ARHGEF3: variants seen among roughly 807,000 people sequenced by gnomAD.
The protein encoded by ARHGEF3 is Rho guanine nucleotide exchange factor 3, also known as 59.8 kDA protein.
In ARHGEF3, 28 loss-of-function variants were observed where a neutral mutation model predicts 63.2. The ratio of observed to expected loss-of-function variants is 0.44; its 90% confidence interval spans 0.33 to 0.61. ARHGEF3 has a LOEUF of 0.61. Among genes scored for constraint, ARHGEF3 ranks in the 20% least tolerant of loss-of-function variants. The probability of loss-of-function intolerance (pLI) is 0.03; values close to 1 mark genes in which losing one functional copy is unlikely to be tolerated. For synonymous variants in ARHGEF3, 266 were observed against 254.2 expected (o/e 1.05, Z -0.44); for missense variants, 533 against 659.3 (o/e 0.81, Z 2.10).
At chr3:56,814,304 A>G (rs1295964885) in intron 4 of ARHGEF3, among the ~76,000 whole-genome samples, 1 of 151,828 alleles carries the variant, frequency 6.6e-6, no homozygotes, top group Non-Finnish European at 1.5e-5. Context: ...TTTTTTTGCG[A>G]TTTTTTTTAA....
rs2034982513 is a variant in ARHGEF3 at position 56,755,031 on chromosome 3, C to T, written c.325G>A (p.Asp109Asn). 2 of 1,614,162 alleles carry T rather than the reference C, an allele frequency of 1.2e-6. No individual in the cohort carries two copies. The highest frequency in any genetic ancestry group is 1.6e-4 in the Middle Eastern group (1 of 6,062). ...RDSKLWSETF[D>N]VCVNQMLTSK... is the part of the protein sequence containing the mutation. ...GTAAGCATCTGATTGACGCACACAT[C>T]GAAGGTCTCACTCCACAGCTTGCTA... The change falls in exon 3 of 10, where the codon GAT becomes AAT. Residue 109 changes from aspartate (D) to asparagine (N), a missense_variant. By Grantham distance (23) the Asp-to-Asn change is conservative. This residue lies in a region of ARHGEF3 where 160 missense variants were observed against 157.3 expected (regional missense o/e 1.02). Coordinates refer to ENST00000296315, the MANE Select transcript of ARHGEF3 (RefSeq NM_019555.3).
chr3:56,934,351 C>T (rs2042492462), intron 3 of ARHGEF3, among the ~76,000 whole-genome samples: 2 of 152,254 alleles, frequency 1.3e-5, no homozygotes, highest in Non-Finnish European at 1.5e-5. Flanking sequence ...TCTGCCTGGG[C>T]TCCCACTTTG....
chr3:56,869,815 A>G (rs1044074055), intron 4 of ARHGEF3, among the ~76,000 whole-genome samples: 1 of 152,220 alleles, frequency 6.6e-6, no homozygotes, highest in African/African-American at 2.4e-5. Context: ...AGCCTGGAAA[A>G]AAAATCAGAA....
intron 1 of ARHGEF3, among the ~76,000 whole-genome samples, chr3:57,067,276 C>G (rs955832788): frequency 4.6e-5 from 7 of 151,530 alleles, no homozygotes; most frequent in Middle Eastern, 6.8e-3. Context: ...ACGGTGAAAC[C>G]CTGTCTCTTC....
intron 1 of ARHGEF3, among the ~76,000 whole-genome samples, chr3:57,044,183 C>G (rs973621159): frequency 6.6e-6 from 1 of 152,272 alleles, no homozygotes; most frequent in African/African-American, 2.4e-5. Context: ...AAATGCAATA[C>G]TTGTTGAACA....
intron 4 of ARHGEF3, among the ~76,000 whole-genome samples, chr3:56,815,399 T>C (rs1423320443): frequency 6.6e-6 from 1 of 152,222 alleles, no homozygotes; most frequent in Non-Finnish European, 1.5e-5. Context: ...TCATATCTTA[T>C]GTACTGATGA....
chr3:56,862,941 C>T (rs1032520470), intron 4 of ARHGEF3, among the ~76,000 whole-genome samples: 1 of 152,174 alleles, frequency 6.6e-6, no homozygotes, highest in South Asian at 2.1e-4. Context: ...TAGTGACTCA[C>T]ATCTGGTGTG....
In ARHGEF3 at chr3:56,732,296, C is replaced by T. The variant is rs141804924; in HGVS notation, c.1170G>A (p.Gln390=). 2.4e-5 allele frequency: 38 copies of T among 1,614,100 alleles called. No individual in the cohort carries two copies. The African/African-American group carries it at 4.1e-4, about 18-fold the overall frequency. The change falls in exon 9 of 10, where the codon CAG becomes CAA. Residue 390 remains glutamine, a synonymous_variant. Transcript: ENST00000296315. ...PVKDLLLEDL[Q]DGEVRLGGSL... ...AGCCACCCAGCCTCACTTCTCCATC[C>T]TGGAGGTCTTCCAGCAGGAGGTCTT...
chr3:56,774,418 A>C (rs1266165149), intron 1 of ARHGEF3, among the ~76,000 whole-genome samples: 5 of 152,248 alleles, frequency 3.3e-5, no homozygotes, highest in African/African-American at 1.2e-4. Context: ...ACCAGACGGC[A>C]AAAGAAAATG....
At chr3:56,763,983 T>C (rs1156303599) in intron 2 of ARHGEF3, among the ~76,000 whole-genome samples, 1 of 152,116 alleles carries the variant, frequency 6.6e-6, no homozygotes, top group Non-Finnish European at 1.5e-5. Flanking sequence ...TGAAAGACAA[T>C]GAACACTGAG....
chr3:56,834,094 G>A (rs144074817), intron 4 of ARHGEF3, among the ~76,000 whole-genome samples: 2 of 152,016 alleles, frequency 1.3e-5, no homozygotes, highest in African/African-American at 4.8e-5. Flanking sequence ...TAGTAGAGAC[G>A]GGGTTTCACC....
rs183906142 is a variant in ARHGEF3 at position 56,846,440 on chromosome 3, G to A, written c.192+35852C>T. Among the ~76,000 whole-genome samples the A allele has an allele frequency of 3.3e-5, 5 of 152,282 alleles. No homozygotes were observed. The East Asian group carries it at 9.6e-4, about 29-fold the overall frequency. Reference sequence around the variant, plus strand: ...ATTAATCATTAGAGACGGTGAAAATGACTAGAGAACTTCCAGGACTGGGTG... The same window carrying A: ...ATTAATCATTAGAGACGGTGAAAATAACTAGAGAACTTCCAGGACTGGGTG... On this transcript the variant is annotated intron_variant, in intron 4 of 12. Transcript: ENST00000338458.
At chr3:56,811,094 A>G (rs1202197047) in intron 4 of ARHGEF3, among the ~76,000 whole-genome samples, 3 of 152,178 alleles carry the variant, frequency 2.0e-5, no homozygotes, top group Non-Finnish European at 4.4e-5. Context: ...GTGCCACACC[A>G]TGCTATATAC....
intron 3 of ARHGEF3, among the ~76,000 whole-genome samples, chr3:56,947,600 C>A (rs1265568837): frequency 6.6e-6 from 1 of 152,122 alleles, no homozygotes; most frequent in Non-Finnish European, 1.5e-5. Flanking sequence ...TATATGCACC[C>A]AATACAGGAG....
rs897688814 is a variant in ARHGEF3, at chr3:56,739,826, G to A, written c.871-2471C>T. On this transcript the variant is annotated intron_variant, in intron 7 of 9. Transcript: ENST00000296315. ...TTGACAGAAGATCTTACAGCTTTGA[G>A]CTGAAGTTTGGTGAATGTATCTTAT... Among the ~76,000 whole-genome samples the A allele has an allele frequency of 2.0e-5, 3 of 152,112 alleles. No homozygotes were observed. In the East Asian group the frequency reaches 5.8e-4, roughly 29 times the overall value.
At chr3:56,905,874 C>CT (rs932529093) in intron 3 of ARHGEF3, among the ~76,000 whole-genome samples, 4 of 151,188 alleles carry the variant, frequency 2.6e-5, no homozygotes, top group African/African-American at 4.9e-5. Flanking sequence ...AAATTCACTT[C>CT]TTTTTTTTGG....
At chr3:56,889,919 GA>G (rs1474689247) in intron 3 of ARHGEF3, among the ~76,000 whole-genome samples, 1 of 151,996 alleles carries the variant, frequency 6.6e-6, no homozygotes, top group African/African-American at 2.4e-5. Flanking sequence ...AAAATTAGCT[GA>G]GCGTGGTAGC....
In ARHGEF3 at chr3:56,823,714, G is replaced by C. The variant is rs181997335; in HGVS notation, c.193-49898C>G. 4.7e-3 allele frequency among the ~76,000 whole-genome samples: 710 copies of C among 152,206 alleles called. 10 individuals carry two copies. Among genetic ancestry groups the C allele is most frequent in the African/African-American group, 0.015 (631 of 41,532 alleles). On this transcript the variant is annotated intron_variant, in intron 4 of 12. Coordinates refer to the ARHGEF3 transcript ENST00000338458. ...AAAACCCCAAATAACTAGACCCCAG[G>C]TTATTTTAACTGCCAGAACCAGGGT...
At chr3:56,805,011 G>C (rs912970478), upstream of ARHGEF3, among the ~76,000 whole-genome samples, 1 of 152,040 alleles carries the variant, frequency 6.6e-6, no homozygotes, top group Non-Finnish European at 1.5e-5. Flanking sequence ...ATCTCAACTA[G>C]AACACATTTG....
Sources: allele counts gnomAD v4.1 joint callset (sites outside exome capture counted in the v4.1 genomes callset), GRCh38; gene constraint gnomAD v4.1.1; regional missense constraint gnomAD v4.1.1; transcripts MANE v1.5; gene names NCBI Gene and HGNC (gene_info 2026-07-23, HGNC 2026-07-21).